PRIM2: variants seen among roughly 807,000 people sequenced by gnomAD.
The protein encoded by PRIM2 is DNA primase large subunit.
PRIM2 carries 39 observed loss-of-function variants against 67.3 expected under a neutral mutation model. The ratio of observed to expected loss-of-function variants is 0.58; its 90% CI spans 0.45 to 0.76. The LOEUF is 0.76. Among genes scored for constraint, PRIM2 ranks in the 30% least tolerant of loss-of-function variants. PRIM2 has a pLI of 0.00. For missense variants in PRIM2, 398 were observed against 598.7 expected (o/e 0.66, Z 3.50); for synonymous variants, 143 against 198.7 (o/e 0.72, Z 2.36).
intron 1 of PRIM2, among the ~76,000 whole-genome samples, 165 bp downstream of exon 1, chr6:57,317,866 G>A (rs1038599529): frequency 6.6e-6 from 1 of 152,156 alleles, no homozygotes; most frequent in Non-Finnish European, 1.5e-5. Flanking sequence ...GGAGGAGTTG[G>A]GGAGAGATAG....
At chr6:57,645,886 T>C in intron 13 of PRIM2, 42 bp from the exon 14 acceptor site, 2 of 1,113,428 alleles carry the variant, frequency 1.8e-6, no homozygotes, top group Non-Finnish European at 2.7e-6. Context: ...TATTTATAGC[T>C]TTGCCATGCA....
intron 7 of PRIM2, among the ~76,000 whole-genome samples, chr6:57,451,210 G>A (rs1772537598): frequency 6.6e-6 from 1 of 151,984 alleles, no homozygotes; most frequent in Non-Finnish European, 1.5e-5. Context: ...GTGTCACCTC[G>A]GCTCAATGCA....
chr6:57,246,150 A>G, the PRIM2 span, among the ~76,000 whole-genome samples: 1 of 152,200 alleles, frequency 6.6e-6, no homozygotes, highest in Non-Finnish European at 1.5e-5. Context: ...CCTGTAACTT[A>G]TTTAATTGTT....
intron 10 of PRIM2, among the ~76,000 whole-genome samples, chr6:57,547,482 C>A (rs1319061582): frequency 6.6e-6 from 1 of 152,160 alleles, no homozygotes; most frequent in African/African-American, 2.4e-5. Context: ...ACAGCATGCA[C>A]AAACCTCTAT....
chr6:57,363,575 C>T (rs1308820983), intron 5 of PRIM2, among the ~76,000 whole-genome samples: 4 of 152,148 alleles, frequency 2.6e-5, no homozygotes, highest in East Asian at 1.9e-4. Context: ...ATATATCACT[C>T]TGCTGCCTTC....
intron 6 of PRIM2, among the ~76,000 whole-genome samples, chr6:57,381,384 T>C (rs1287791845): frequency 6.6e-6 from 1 of 152,220 alleles, no homozygotes; most frequent in Non-Finnish European, 1.5e-5. Flanking sequence ...AGAGTAAGAA[T>C]GATTTTTACA....
At chr6:57,241,547 T>G in the PRIM2 span, among the ~76,000 whole-genome samples, 303 of 151,598 alleles carry the variant, frequency 2.0e-3, 3 homozygotes, top group African/African-American at 7.0e-3. Context: ...ATAGCAGTAT[T>G]AGCAAGGATA....
chr6:57,590,209 A>G (rs1314009512), intron 10 of PRIM2, among the ~76,000 whole-genome samples: 1 of 145,688 alleles, frequency 6.9e-6, no homozygotes, highest in Non-Finnish European at 1.6e-5. Flanking sequence ...CAGATACCCA[A>G]AAAGCAAGCA....
At chr6:57,269,392 G>T in the PRIM2 span, among the ~76,000 whole-genome samples, 2 of 151,734 alleles carry the variant, frequency 1.3e-5, no homozygotes, top group African/African-American at 4.8e-5. Flanking sequence ...CAGTGATGAT[G>T]AGCATTTTTT....
chr6:57,265,801 C>A, the PRIM2 span, among the ~76,000 whole-genome samples: 2 of 152,148 alleles, frequency 1.3e-5, no homozygotes, highest in African/African-American at 4.8e-5. Context: ...GTGTTAAATG[C>A]AGTTGGTTCC....
At chr6:57,303,882 G>A in the PRIM2 span, among the ~76,000 whole-genome samples, 1 of 152,174 alleles carries the variant, frequency 6.6e-6, no homozygotes, top group African/African-American at 2.4e-5. Flanking sequence ...TGGTCTGCCT[G>A]CCTAGGCCTC....
Position 57,535,033 on chromosome 6 carries a change from C to T in PRIM2, c.835-2407C>T, listed in dbSNP as rs1304094313. On this transcript the variant is annotated intron_variant, in intron 9 of 13. Transcript: ENST00000615550. ...CTCCTCCTATTAAAAATAAGCTCTT[C>T]GAGGACAGGGTTTTTGACTTCTTTG... Among the ~76,000 whole-genome samples, 4 of 152,212 alleles carry T rather than the reference C, an allele frequency of 2.6e-5. No individual in the cohort carries two copies. In the East Asian group the frequency reaches 5.8e-4, roughly 22 times the overall value.
chr6:57,539,949 G>A (rs1213079506), intron 10 of PRIM2, among the ~76,000 whole-genome samples: 42 of 150,668 alleles, frequency 2.8e-4, no homozygotes, highest in African/African-American at 9.8e-4. Flanking sequence ...AGCTGAGATC[G>A]CACCACTGCA....
intron 7 of PRIM2, among the ~76,000 whole-genome samples, chr6:57,451,054 A>G (rs1461437258): frequency 6.6e-6 from 1 of 152,152 alleles, no homozygotes; most frequent in Non-Finnish European, 1.5e-5. Context: ...AGTAGGAGCT[A>G]TTTAATGAGT....
At chr6:57,408,278 G>A (rs150944782) in intron 7 of PRIM2, among the ~76,000 whole-genome samples, 45 of 151,638 alleles carry the variant, frequency 3.0e-4, no homozygotes, top group African/African-American at 9.4e-4. Flanking sequence ...AGCAAGAAGC[G>A]CCCCTTTACA....
At chr6:57,582,047 A>G (rs1199713390) in intron 10 of PRIM2, among the ~76,000 whole-genome samples, 1 of 152,028 alleles carries the variant, frequency 6.6e-6, no homozygotes, top group Non-Finnish European at 1.5e-5. Flanking sequence ...CTGGTCTCAA[A>G]CTCCTGGACT....
intron 5 of PRIM2, among the ~76,000 whole-genome samples, chr6:57,360,964 G>T (rs368667501): frequency 6.6e-6 from 1 of 152,108 alleles, no homozygotes; most frequent in Non-Finnish European, 1.5e-5. Context: ...GTTTTGGGGG[G>T]CATCGAATGA....
Position 57,523,976 on chromosome 6 carries a change from A to G in PRIM2, c.762-8435A>G, listed in dbSNP as rs1444612233. On this transcript the variant is annotated intron_variant, in intron 8 of 13. Transcript: ENST00000615550. ...GTGCAGATGTATCTGTTTCAGATTTATCCTTTTATATATCCATGGTATTTT... is the reference window on the plus strand; with the variant it reads ...GTGCAGATGTATCTGTTTCAGATTTGTCCTTTTATATATCCATGGTATTTT... Among the ~76,000 whole-genome samples, 962 of 152,026 alleles carry G rather than the reference A, an allele frequency of 6.3e-3. 3 individuals carry two copies. Among genetic ancestry groups the G allele is most frequent in the Middle Eastern group, 0.014 (4 of 294 alleles).
At chr6:57,333,010 C>T (rs1768106783) in intron 5 of PRIM2, among the ~76,000 whole-genome samples, 1 of 151,910 alleles carries the variant, frequency 6.6e-6, no homozygotes, top group Non-Finnish European at 1.5e-5. Flanking sequence ...AATTCCTTTG[C>T]TGTTTATTTT....
Sources: gnomAD v4.1 joint callset for allele counts (sites outside exome capture counted in the v4.1 genomes callset) on GRCh38, gnomAD v4.1.1 for gene constraint, MANE v1.5 for transcripts, NCBI Gene and HGNC (gene_info 2026-07-23, HGNC 2026-07-21) for gene names.